The following ZNF37A variants were observed in gnomAD, a reference collection of about 807,000 sequenced individuals.
ZNF37A encodes the protein zinc finger protein 37a (KOX 21).
In ZNF37A, 10 loss-of-function variants were observed where a neutral mutation model predicts 12.3. The ratio of observed to expected loss-of-function variants is 0.82; its 90% CI spans 0.50 to 1.38. The LOEUF (loss-of-function observed/expected upper bound fraction) is 1.38, where lower values mean the gene tolerates loss of function less well. Among genes scored for constraint, ZNF37A ranks in the 40% most tolerant of loss-of-function variants. The pLI, the probability that ZNF37A is intolerant of heterozygous loss-of-function variation, is 0.00. For synonymous variants in ZNF37A, 207 were observed against 223.0 expected, an observed-to-expected ratio of 0.93 and a Z score of 0.64; for missense variants, 580 against 651.2, an observed-to-expected ratio of 0.89 and a Z score of 1.19.
chr10:38,096,057 G>A (rs887700386), intron 4 of ZNF37A, among the ~76,000 whole-genome samples: 6 of 151,982 alleles, frequency 3.9e-5, no homozygotes, highest in African/African-American at 1.5e-4. Context: ...GTGGTGGTGC[G>A]CACCTGTAGT....
intron 7 of ZNF37A, among the ~76,000 whole-genome samples, chr10:38,116,714 G>A (rs138821509): frequency 2.9e-4 from 44 of 152,258 alleles, no homozygotes; most frequent in Admixed American, 1.6e-3. Context: ...TCCCACAGCT[G>A]GAATAGAACC....
downstream of ZNF37A, among the ~76,000 whole-genome samples, chr10:38,126,694 C>T (rs1345794720): frequency 2.0e-5 from 3 of 152,190 alleles, no homozygotes; most frequent in East Asian, 1.9e-4. Flanking sequence ...TGTGATCGGG[C>T]AGTTCACTGT....
At chr10:38,127,579 A>G, downstream of ZNF37A, among the ~76,000 whole-genome samples, 1 of 152,160 alleles carries the variant, frequency 6.6e-6, no homozygotes, top group East Asian at 1.9e-4. Context: ...GAGTAGTTGC[A>G]AGGGGCCAGT....
In ZNF37A at chr10:38,114,742, T is replaced by G. The variant is rs779119032; in HGVS notation, c.16-13T>G. ...CTTATCACTTCAGACTGAGCAAAAT[T>G]GTGATTTTCCAGGGATCAGTGTCGT... is the stretch of plus-strand genomic sequence containing the variant. On this transcript the variant is annotated splice_polypyrimidine_tract_variant and intron_variant, in intron 5 of 7. Transcript: ENST00000685332. 2 of 1,613,916 alleles carry G rather than the reference T, an allele frequency of 1.2e-6. No individual in the cohort carries two copies. Among genetic ancestry groups the G allele is most frequent in the Non-Finnish European group, 1.7e-6 (2 of 1,179,990 alleles).
rs1458770356 is a variant in ZNF37A at position 38,121,255 on chromosome 10, A to G, written c.*2418A>G. On this transcript the variant is annotated 3_prime_UTR_variant, in exon 8 of 8. Transcript: ENST00000685332. Reference sequence around the variant, plus strand: ...ATAAAGCTATAGACCAAAGTCTCATAGATTTAGATGCAAAATCCTAAAATT... The same window carrying G: ...ATAAAGCTATAGACCAAAGTCTCATGGATTTAGATGCAAAATCCTAAAATT... The G allele has an allele frequency of 6.6e-6, 1 of 152,210 alleles. No individual in the cohort carries two copies. Among genetic ancestry groups the G allele is most frequent in the Non-Finnish European group, 1.5e-5 (1 of 68,036 alleles). 9.4% of individuals were successfully genotyped at this position (152,210 alleles called of 1,614,324 possible).
At chr10:38,114,020 T>C (rs2069039929) in intron 5 of ZNF37A, among the ~76,000 whole-genome samples, 1 of 152,206 alleles carries the variant, frequency 6.6e-6, no homozygotes, top group Non-Finnish European at 1.5e-5. Context: ...TCCTTATATG[T>C]GGATTGGTTG....
At position 38,122,449 on chromosome 10, in the gene ZNF37A, C is replaced by T. The variant is rs1273033450; in HGVS notation, c.*3612C>T. The T allele has an allele frequency of 6.6e-6, 1 of 152,126 alleles. No homozygotes were observed. The highest frequency in any genetic ancestry group is 6.6e-5 in the Admixed American group (1 of 15,264). 9.4% of individuals were successfully genotyped at this position (152,126 alleles called of 1,614,324 possible). A position where few individuals can be genotyped will look rare whatever the true frequency, so the allele number is the denominator to read the frequency against. ...CCTGACTTCCAATTATTCAACAGAGCTACAGTAACCAAAACAGCATGATAC... is the reference window on the plus strand; with the variant it reads ...CCTGACTTCCAATTATTCAACAGAGTTACAGTAACCAAAACAGCATGATAC... On this transcript the variant is annotated 3_prime_UTR_variant, in exon 8 of 8. Coordinates refer to ENST00000685332, the MANE Select transcript of ZNF37A (RefSeq NM_001324250.3).
intron 7 of ZNF37A, chr10:38,144,003 G>A (rs1323306010): frequency 6.6e-6 from 1 of 152,278 alleles, no homozygotes; most frequent in Non-Finnish European, 1.5e-5. Flanking sequence ...TGGTCCACAT[G>A]GCGCCTGTGA....
At chr10:38,107,273 G>A (rs2068187803) in intron 5 of ZNF37A, among the ~76,000 whole-genome samples, 1 of 152,164 alleles carries the variant, frequency 6.6e-6, no homozygotes, top group Non-Finnish European at 1.5e-5. Context: ...AAGTGAAGGA[G>A]AAATAAAATC....
rs1198505207 is a variant in ZNF37A at position 38,118,729 on chromosome 10, T to A, written c.1578T>A (p.Asn526Lys). 23 of 1,613,762 alleles carry A rather than the reference T, an allele frequency of 1.4e-5. No individual in the cohort carries two copies. Among genetic ancestry groups the A allele is most frequent in the Non-Finnish European group, 1.9e-5 (22 of 1,179,936 alleles). The change falls in exon 8 of 8, where the codon AAT (asparagine) becomes AAA (lysine). Residue 526 changes from asparagine to lysine, a missense_variant. Coordinates refer to ENST00000685332, the MANE Select transcript of ZNF37A (RefSeq NM_001324250.3). Reference sequence around the variant, plus strand: ...CAGGGGAGAAACCCTATGAATGTAATGTTTGTGGAAAATCATTCTATGTTA... The same window carrying A: ...CAGGGGAGAAACCCTATGAATGTAAAGTTTGTGGAAAATCATTCTATGTTA... ...THTGEKPYEC[N>K]VCGKSFYVKS...
Position 38,121,882 on chromosome 10 carries a change from T to C in ZNF37A, c.*3045T>C, listed in dbSNP as rs1163736822. On this transcript the variant is annotated 3_prime_UTR_variant, in exon 8 of 8. Transcript: ENST00000685332. ...CACAAAAAAGGGGAACAGGGATGAT[T>C]CCTAGTCAGAGATTGGGAGAAATAC... 3.9e-5 allele frequency: 6 copies of C among 152,156 alleles called. No homozygotes were observed. Among genetic ancestry groups the C allele is most frequent in the African/African-American group, 1.4e-4 (6 of 41,426 alleles). The allele number at this position is 152,156 out of a possible 1,614,324, so 9.4% of individuals were successfully genotyped here.
intron 7 of ZNF37A, chr10:38,137,559 A>T (rs1212506001): frequency 6.6e-6 from 1 of 152,236 alleles, no homozygotes; most frequent in East Asian, 1.9e-4. Context: ...GCACTCCATA[A>T]TTAGAACACA....
Position 38,096,517 on chromosome 10 carries a change from G to A in ZNF37A, c.-44-57G>A, listed in dbSNP as rs114761589. 2,987 of 1,277,184 alleles carry A rather than the reference G, an allele frequency of 2.3e-3. 58 individuals are homozygous for A. The African/African-American group carries it at 0.039, about 17-fold the overall frequency. The allele number at this position is 1,277,184 out of a possible 1,614,324, so 79.1% of individuals were successfully genotyped here. On this transcript the variant is annotated intron_variant, in intron 4 of 7. Coordinates refer to ENST00000685332, the MANE Select transcript of ZNF37A (RefSeq NM_001324250.3). ...CCCTTTCAGAGATGTTTTGCCGGCT[G>A]CGAAGTGGACCTTTTAAGGCAAGTG... is the stretch of plus-strand genomic sequence containing the variant.
At chr10:38,114,204 C>T (rs375056558) in intron 5 of ZNF37A, among the ~76,000 whole-genome samples, 2 of 152,200 alleles carry the variant, frequency 1.3e-5, no homozygotes, top group East Asian at 3.9e-4. Flanking sequence ...ACAGGTAAGA[C>T]ATGCTCTTAT....
At chr10:38,102,281 T>G (rs1179595726) in intron 5 of ZNF37A, among the ~76,000 whole-genome samples, 1 of 152,240 alleles carries the variant, frequency 6.6e-6, no homozygotes, top group Non-Finnish European at 1.5e-5. Context: ...GTATGCCTTC[T>G]TTTGTGTTTT....
downstream of ZNF37A, chr10:38,124,939 A>ATGC (rs2069900731): frequency 6.6e-6 from 1 of 152,314 alleles, no homozygotes; most frequent in South Asian, 2.1e-4. Flanking sequence ...TTCAGAAAAT[A>ATGC]TGCCAATGAA....
downstream of ZNF37A, among the ~76,000 whole-genome samples, chr10:38,126,803 AGCCATAACTGCACCCCAGGCC>A (rs1224872026): frequency 3.3e-5 from 5 of 152,066 alleles, no homozygotes. Context: ...AGCCAACTAT[AGCCATAACTGCACCCCAGGCC>A]GAAGCTTTTT....
intron 7 of ZNF37A, among the ~76,000 whole-genome samples, chr10:38,145,058 A>G (rs1985261): frequency 0.023 from 3,517 of 152,318 alleles, 55 homozygotes; most frequent in Middle Eastern, 0.055. Context: ...TTAAAAAGAA[A>G]GGCAGAAATG....
At chr10:38,098,553 T>C (rs564635518) in intron 5 of ZNF37A, among the ~76,000 whole-genome samples, 3 of 152,364 alleles carry the variant, frequency 2.0e-5, no homozygotes, top group East Asian at 3.9e-4. Flanking sequence ...TTAAATCTTA[T>C]AATCCATGAA....
Sources: gnomAD v4.1 joint callset for allele counts (sites outside exome capture counted in the v4.1 genomes callset) on GRCh38, gnomAD v4.1.1 for gene constraint, MANE v1.5 for transcripts, NCBI Gene and HGNC (gene_info 2026-07-23, HGNC 2026-07-21) for gene names.